The following MYO1E variants were observed in gnomAD, a reference collection of about 807,000 sequenced individuals.
The protein encoded by MYO1E is myosin IE, also known as unconventional myosin-Ie.
MYO1E carries 68 observed loss-of-function variants against 151.1 expected under a neutral mutation model. That is an observed-to-expected ratio of 0.45 (90% CI 0.37 to 0.55). MYO1E has a LOEUF of 0.55. MYO1E is among the 20% of genes least tolerant of loss of function. The pLI, the probability that MYO1E is intolerant of heterozygous loss-of-function variation, is 0.00. For synonymous variants in MYO1E, 601 were observed against 501.7 expected (o/e 1.20, Z -2.64); for missense variants, 1,363 against 1,389.3 (o/e 0.98, Z 0.30).
At chr15:59,255,718 A>C (rs2080190427) in intron 4 of MYO1E, among the ~76,000 whole-genome samples, 1 of 152,226 alleles carries the variant, frequency 6.6e-6, no homozygotes, top group Non-Finnish European at 1.5e-5. Flanking sequence ...AAATTGCAAA[A>C]AAATCTCATA....
intron 1 of MYO1E, among the ~76,000 whole-genome samples, chr15:59,291,702 AAAAAAAAAAAGAGAG>A (rs2080420076): frequency 6.9e-6 from 1 of 144,482 alleles, no homozygotes; most frequent in African/African-American, 2.6e-5. Flanking sequence ...AAAAAAAAAA[AAAAAAAAAAAGAGAG>A]AGAGAGAGAG....
At chr15:59,243,099 C>CTTTTTTT in intron 4 of MYO1E, among the ~76,000 whole-genome samples, 1 of 133,452 alleles carries the variant, frequency 7.5e-6, no homozygotes. Flanking sequence ...TTAGACCCTG[C>CTTTTTTT]TTTTTTTTTT....
chr15:59,205,097 T>A (rs749796134), intron 15 of MYO1E, among the ~76,000 whole-genome samples: 3 of 152,198 alleles, frequency 2.0e-5, no homozygotes, highest in Non-Finnish European at 4.4e-5. Context: ...CCAGACCCAA[T>A]AGCATGAAGG....
chr15:59,292,837 A>G lies in MYO1E; in HGVS notation c.4-20388T>C, dbSNP rs118097050. On this transcript the variant is annotated intron_variant, in intron 1 of 27. Coordinates refer to ENST00000288235, the MANE Select transcript of MYO1E (RefSeq NM_004998.4). ...TACTACTTCAGGCATCCACATTGCC[A>G]AAGAAGGGACTAAATTTCTACAAGC... 2.8e-3 allele frequency among the ~76,000 whole-genome samples: 428 copies of G among 152,342 alleles called. 13 individuals carry two copies. The highest frequency in any genetic ancestry group is 0.019 in the Admixed American group (297 of 15,306).
intron 4 of MYO1E, among the ~76,000 whole-genome samples, chr15:59,252,817 C>T (rs1566992645): frequency 6.6e-6 from 1 of 152,008 alleles, no homozygotes; most frequent in Admixed American, 6.6e-5. Context: ...ACCCAGGAGG[C>T]GGAGGTTGCG....
chr15:59,348,193 G>T (rs1373626029), intron 1 of MYO1E, among the ~76,000 whole-genome samples: 1 of 152,132 alleles, frequency 6.6e-6, no homozygotes, highest in Non-Finnish European at 1.5e-5. Context: ...CCTTGACAGC[G>T]ATGAAACCCC....
intron 1 of MYO1E, among the ~76,000 whole-genome samples, chr15:59,310,155 C>T (rs2080541281): frequency 6.6e-6 from 1 of 152,124 alleles, no homozygotes; most frequent in Non-Finnish European, 1.5e-5. Context: ...ACTCTAGGTC[C>T]AGGCAGCTTC....
At position 59,272,401 on chromosome 15, in the gene MYO1E, G is replaced by C; in HGVS notation, c.52C>G (p.His18Asp). 6.2e-7 allele frequency: 1 copy of C among 1,614,064 alleles called. No individual in the cohort carries two copies. The highest frequency in any genetic ancestry group is 8.5e-7 in the Non-Finnish European group (1 of 1,179,916). The stretch of plus-strand genomic sequence containing the variant: ...AGCACCATGTCGTCCACACCACTGT[G>C]CTTGACATTGTGGCTTTGCCAGTGG... ...QYHWQSHNVK[H>D]SGVDDMVLLS... The change falls in exon 2 of 28, where the codon CAC (histidine) becomes GAC (aspartate). Residue 18 changes from histidine to aspartate, a missense_variant. Coordinates refer to ENST00000288235, the MANE Select transcript of MYO1E (RefSeq NM_004998.4).
At chr15:59,170,197 C>A (rs1283052520) in intron 22 of MYO1E, among the ~76,000 whole-genome samples, 2 of 151,938 alleles carry the variant, frequency 1.3e-5, no homozygotes, top group Non-Finnish European at 2.9e-5. Context: ...AACAACCACA[C>A]AAATGTAGCT....
chr15:59,299,123 A>T (rs112807775), intron 1 of MYO1E, among the ~76,000 whole-genome samples: 2,892 of 152,358 alleles, frequency 0.019, 96 homozygotes, highest in African/African-American at 0.064. Context: ...ACAAGCCTGG[A>T]GTCCATTTCT....
intron 6 of MYO1E, among the ~76,000 whole-genome samples, chr15:59,228,206 G>A (rs1283195374): frequency 1.3e-5 from 2 of 152,136 alleles, no homozygotes; most frequent in African/African-American, 2.4e-5. Flanking sequence ...TATATAGCCA[G>A]GCGCGGTGGC....
intron 1 of MYO1E, among the ~76,000 whole-genome samples, chr15:59,278,415 CTATTT>C (rs1427152912): frequency 7.9e-5 from 12 of 152,154 alleles, no homozygotes; most frequent in African/African-American, 2.9e-4. Context: ...AAGGGACTAC[CTATTT>C]TAATTTTAAG....
At chr15:59,347,940 T>A (rs1444927125) in intron 1 of MYO1E, among the ~76,000 whole-genome samples, 1 of 152,236 alleles carries the variant, frequency 6.6e-6, no homozygotes, top group Non-Finnish European at 1.5e-5. Flanking sequence ...CTGCTGCTTA[T>A]GATCCAAGAC....
At chr15:59,246,793 G>A (rs1050012673) in intron 4 of MYO1E, among the ~76,000 whole-genome samples, 2 of 152,202 alleles carry the variant, frequency 1.3e-5, no homozygotes, top group African/African-American at 4.8e-5. Context: ...AACTGCCCAG[G>A]TATGGCCATT....
chr15:59,192,566 A>C (rs778291614), intron 17 of MYO1E, among the ~76,000 whole-genome samples: 3 of 152,174 alleles, frequency 2.0e-5, no homozygotes, highest in Non-Finnish European at 4.4e-5. Flanking sequence ...GTTGTTCCCT[A>C]GGCTATGCCA....
At chr15:59,329,249 G>T (rs1182803165) in intron 1 of MYO1E, among the ~76,000 whole-genome samples, 1 of 152,136 alleles carries the variant, frequency 6.6e-6, no homozygotes, top group African/African-American at 2.4e-5. Flanking sequence ...CAAGTCCCAT[G>T]AATTATTCCT....
chr15:59,265,104 G>C (rs1439930646), intron 2 of MYO1E: 1 of 152,196 alleles, frequency 6.6e-6, no homozygotes, highest in East Asian at 1.9e-4. Flanking sequence ...AGCACTGCTA[G>C]AACCATCTTC....
chr15:59,153,808 A>T lies in MYO1E; in HGVS notation c.2879-17T>A, dbSNP rs1351710924. 1.9e-6 allele frequency: 3 copies of T among 1,606,916 alleles called. No individual in the cohort carries two copies. The South Asian group carries it at 3.3e-5, about 18-fold the overall frequency. On this transcript the variant is annotated splice_polypyrimidine_tract_variant and intron_variant, in intron 25 of 27. Coordinates refer to ENST00000288235, the MANE Select transcript of MYO1E (RefSeq NM_004998.4). ...GATGGTATCCTAGAGAGAGGAACAG[A>T]GAAGGAAATAAGGCTCAGATTTTTG...
intron 4 of MYO1E, among the ~76,000 whole-genome samples, chr15:59,249,551 G>A (rs1288928866): frequency 2.6e-5 from 4 of 152,052 alleles, no homozygotes; most frequent in South Asian, 2.1e-4. Flanking sequence ...AACTAGAAAC[G>A]CCGCCTTTAT....
Sources: allele counts gnomAD v4.1 joint callset (sites outside exome capture counted in the v4.1 genomes callset), GRCh38; gene constraint gnomAD v4.1.1; transcripts MANE v1.5; gene names NCBI Gene and HGNC (gene_info 2026-07-23, HGNC 2026-07-21).